The following CDKAL1 variants were observed in gnomAD, a reference collection of about 807,000 sequenced individuals.
CDKAL1 encodes the protein CDKAL1 threonylcarbamoyladenosine tRNA methylthiotransferase.
Under a neutral mutation model 68.2 loss-of-function variants are expected in CDKAL1, and 32 were observed. That is an observed-to-expected ratio of 0.47 (90% CI 0.35 to 0.63). The LOEUF (loss-of-function observed/expected upper bound fraction) is 0.63, where lower values mean the gene tolerates loss of function less well. Among genes scored for constraint, CDKAL1 ranks in the 30% least tolerant of loss-of-function variants. The pLI, the probability that CDKAL1 is intolerant of heterozygous loss-of-function variation, is 0.00. For synonymous variants in CDKAL1, 234 were observed against 244.3 expected (o/e 0.96, Z 0.39); for missense variants, 606 against 696.7 (o/e 0.87, Z 1.47).
intron 13 of CDKAL1, among the ~76,000 whole-genome samples, chr6:21,115,452 T>C (rs1171444368): frequency 6.6e-6 from 1 of 152,264 alleles, no homozygotes; most frequent in East Asian, 1.9e-4. Flanking sequence ...CGGCACTCTA[T>C]GATAGCCAGG....
chr6:21,039,488 A>G (rs1352098257), intron 11 of CDKAL1, among the ~76,000 whole-genome samples: 1 of 152,188 alleles, frequency 6.6e-6, no homozygotes, highest in Non-Finnish European at 1.5e-5. Flanking sequence ...GCGAGCCATC[A>G]TTACCATTAC....
At chr6:20,943,346 A>AAAG (rs1764083218) in intron 9 of CDKAL1, among the ~76,000 whole-genome samples, 1 of 48,694 alleles carries the variant, frequency 2.1e-5, no homozygotes, top group Non-Finnish European at 3.6e-5. Flanking sequence ...AAAAAAAAAG[A>AAAG]AAAAGAAAAA....
intron 11 of CDKAL1, among the ~76,000 whole-genome samples, chr6:21,035,340 A>G (rs970478761): frequency 2.6e-5 from 4 of 152,132 alleles, no homozygotes; most frequent in Non-Finnish European, 5.9e-5. Flanking sequence ...CTGAGACAAG[A>G]CACATCTAGT....
chr6:21,012,203 G>A (rs1768061550), intron 11 of CDKAL1, among the ~76,000 whole-genome samples: 1 of 152,202 alleles, frequency 6.6e-6, no homozygotes, highest in Admixed American at 6.5e-5. Context: ...TCAGAACTTA[G>A]TCATATGGCC....
At chr6:21,189,684 A>AT (rs1778157082) in intron 13 of CDKAL1, among the ~76,000 whole-genome samples, 1 of 152,168 alleles carries the variant, frequency 6.6e-6, no homozygotes, top group Non-Finnish European at 1.5e-5. Flanking sequence ...TTTGACACAC[A>AT]TTCTTGTGTC....
Position 21,108,384 on chromosome 6 carries a change from TTTG to T in CDKAL1, c.1237-14_1237-12del. On this transcript the variant is annotated splice_polypyrimidine_tract_variant and intron_variant, in intron 12 of 15. Transcript: ENST00000274695. The stretch of plus-strand genomic sequence containing the variant: ...GTTTGTATGTTGGTTTTTTGTTTTT[TTTG>T]TTTTTTTTCACAGAAAAAGCAAAGG... 1 of 1,596,286 alleles carries T rather than the reference TTTG, an allele frequency of 6.3e-7. No individual in the cohort carries two copies. The highest frequency in any genetic ancestry group is 8.6e-7 in the Non-Finnish European group (1 of 1,169,292).
At chr6:20,580,873 T>G (rs1312257470) in intron 4 of CDKAL1, among the ~76,000 whole-genome samples, 1 of 151,972 alleles carries the variant, frequency 6.6e-6, no homozygotes, top group African/African-American at 2.4e-5. Context: ...TACTGCAACC[T>G]CCATCTCCTG....
chr6:20,987,456 T>C (rs2150787652), intron 10 of CDKAL1, among the ~76,000 whole-genome samples: 1 of 152,258 alleles, frequency 6.6e-6, no homozygotes, highest in East Asian at 1.9e-4. Flanking sequence ...GGTTTTACCA[T>C]GTTGGCCAGG....
intron 8 of CDKAL1, among the ~76,000 whole-genome samples, chr6:20,836,157 A>G (rs1777931653): frequency 6.6e-6 from 1 of 152,188 alleles, no homozygotes; most frequent in Non-Finnish European, 1.5e-5. Flanking sequence ...TCGGTAGAGT[A>G]ACTATTTCAT....
intron 10 of CDKAL1, among the ~76,000 whole-genome samples, chr6:20,983,664 T>C (rs930044389): frequency 4.6e-5 from 7 of 152,134 alleles, no homozygotes; most frequent in African/African-American, 1.7e-4. Flanking sequence ...GAGGTTGCAG[T>C]GAGCTGCGAT....
intron 13 of CDKAL1, among the ~76,000 whole-genome samples, chr6:21,109,661 T>C (rs1582216488): frequency 1.3e-5 from 2 of 152,218 alleles, no homozygotes; most frequent in Non-Finnish European, 2.9e-5. Context: ...AGAGAGCCAA[T>C]AGGGTCTGAC....
chr6:21,138,930 T>G (rs1393613896), intron 13 of CDKAL1, among the ~76,000 whole-genome samples: 2 of 152,164 alleles, frequency 1.3e-5, no homozygotes, highest in Non-Finnish European at 2.9e-5. Context: ...TCTTGCTGCT[T>G]ATGGACTCGG....
intron 10 of CDKAL1, among the ~76,000 whole-genome samples, chr6:20,981,232 G>A (rs973991073): frequency 1.1e-4 from 16 of 152,176 alleles, no homozygotes; most frequent in African/African-American, 3.1e-4. Context: ...CCAGATGGGA[G>A]TATTCCATTT....
chr6:20,990,198 G>C (rs892028527), intron 10 of CDKAL1, among the ~76,000 whole-genome samples: 3 of 152,072 alleles, frequency 2.0e-5, no homozygotes, highest in African/African-American at 7.2e-5. Context: ...AGCCAAGATC[G>C]CAACACTGCA....
chr6:21,118,753 C>G (rs1204866365), intron 13 of CDKAL1, among the ~76,000 whole-genome samples: 1 of 152,062 alleles, frequency 6.6e-6, no homozygotes, highest in Non-Finnish European at 1.5e-5. Flanking sequence ...TTTGAGAATT[C>G]CAGAGGCATT....
At chr6:20,819,647 T>C (rs1400207565) in intron 8 of CDKAL1, among the ~76,000 whole-genome samples, 1 of 152,170 alleles carries the variant, frequency 6.6e-6, no homozygotes, top group African/African-American at 2.4e-5. Context: ...ATTTATCTTG[T>C]GCTATATCGA....
intron 11 of CDKAL1, among the ~76,000 whole-genome samples, chr6:21,033,461 A>G (rs1440630925): frequency 6.6e-6 from 1 of 152,150 alleles, no homozygotes; most frequent in Non-Finnish European, 1.5e-5. Context: ...AAAGATACAC[A>G]AAACCTTAGA....
rs1554155271 is a variant in CDKAL1 at position 20,992,208 on chromosome 6, A to ATGTATG, written c.910-8018_910-8017insGTATGT. Among the ~76,000 whole-genome samples the ATGTATG allele has an allele frequency of 1.3e-4, 19 of 144,624 alleles. 2 individuals carry two copies. The highest frequency in any genetic ancestry group is 5.1e-4 in the African/African-American group (18 of 35,408). 94.9% of individuals were successfully genotyped at this position (144,624 alleles called of 152,430 possible). On this transcript the variant is annotated intron_variant, in intron 10 of 15. Coordinates refer to ENST00000274695, the MANE Select transcript of CDKAL1 (RefSeq NM_017774.3). Reference sequence around the variant, plus strand: ...ATAGTCAGCTTTTTTATATATATATATATGTATTTTGTATTATATGTATAT... The same window carrying ATGTATG: ...ATAGTCAGCTTTTTTATATATATATATGTATGTATGTATTTTGTATTATATGTATAT...
At chr6:20,974,357 G>T (rs1765739606) in intron 10 of CDKAL1, among the ~76,000 whole-genome samples, 1 of 152,172 alleles carries the variant, frequency 6.6e-6, no homozygotes, top group South Asian at 2.1e-4. Context: ...TCTCCAGCTT[G>T]GTGGTCAGAG....
Sources: allele counts gnomAD v4.1 joint callset (sites outside exome capture counted in the v4.1 genomes callset), GRCh38; gene constraint gnomAD v4.1.1; transcripts MANE v1.5; gene names NCBI Gene and HGNC (gene_info 2026-07-23, HGNC 2026-07-21).